PRKCD: variants seen among roughly 807,000 people sequenced by gnomAD.
PRKCD encodes the protein protein kinase C delta type.
PRKCD carries 20 observed loss-of-function variants against 82.2 expected under a neutral mutation model. The ratio of observed to expected loss-of-function variants is 0.24; its 90% confidence interval spans 0.17 to 0.35. The LOEUF is 0.35. Among genes scored for constraint, PRKCD ranks in the 10% least tolerant of loss-of-function variants. The pLI, the probability that PRKCD is intolerant of heterozygous loss-of-function variation, is 1.00. For missense variants in PRKCD, 607 were observed against 899.0 expected (o/e 0.68, Z 4.15); for synonymous variants, 317 against 337.0 (o/e 0.94, Z 0.65).
intron 2 of PRKCD, among the ~76,000 whole-genome samples, chr3:53,176,173 G>A (rs535479170): frequency 6.6e-6 from 1 of 152,306 alleles, no homozygotes; most frequent in South Asian, 2.1e-4. Context: ...CCACCTGCTG[G>A]TGTCAGGCTG....
intron 2 of PRKCD, among the ~76,000 whole-genome samples, chr3:53,167,136 G>A (rs1702861420): frequency 6.6e-6 from 1 of 152,188 alleles, no homozygotes. Context: ...AGGCGTTTCC[G>A]GAGGCTTACT....
intron 14 of PRKCD, among the ~76,000 whole-genome samples, chr3:53,187,086 C>T (rs1316221176): frequency 6.6e-6 from 1 of 151,716 alleles, no homozygotes; most frequent in Non-Finnish European, 1.5e-5. Flanking sequence ...TGCATGCATG[C>T]AAACACATAT....
chr3:53,179,203 C>T (rs1396738586), intron 3 of PRKCD, among the ~76,000 whole-genome samples: 5 of 152,224 alleles, frequency 3.3e-5, no homozygotes, highest in African/African-American at 9.7e-5. Flanking sequence ...ATTCGCCACC[C>T]GGGCCTGGGG....
At chr3:53,162,220 C>T (rs1335008136) in intron 1 of PRKCD, among the ~76,000 whole-genome samples, 1 of 151,686 alleles carries the variant, frequency 6.6e-6, no homozygotes, top group Non-Finnish European at 1.5e-5. Context: ...TCGCCCCCAA[C>T]CCAGATGCCA....
At chr3:53,165,578 G>A (rs1312347247) in intron 2 of PRKCD, among the ~76,000 whole-genome samples, 1 of 152,208 alleles carries the variant, frequency 6.6e-6, no homozygotes, top group African/African-American at 2.4e-5. Flanking sequence ...CCATGGCCCT[G>A]TATCTGCCTC....
Position 53,181,923 on chromosome 3 carries a change from C to T in PRKCD, c.571+191C>T, listed in dbSNP as rs543546229. 2.3e-4 allele frequency: 188 copies of T among 820,974 alleles called. 3 individuals are homozygous for T. The highest frequency in any genetic ancestry group is 1.1e-3 in the South Asian group (74 of 69,052). 50.9% of individuals were successfully genotyped at this position (820,974 alleles called of 1,614,324 possible). On this transcript the variant is annotated intron_variant, in intron 7 of 18. Transcript: ENST00000330452. ...CTGCTGCTCTGGAAAACCAGTTCTG[C>T]GCATCTCTTCCCAGCTCCGCATTCA...
At chr3:53,189,002 C>G in intron 16 of PRKCD, 56 bp from the exon 17 acceptor site, 2 of 1,574,082 alleles carry the variant, frequency 1.3e-6, no homozygotes, top group Non-Finnish European at 1.7e-6. Flanking sequence ...GCCCAGGGGC[C>G]CCTCTCAGCC....
intron 1 of PRKCD, among the ~76,000 whole-genome samples, chr3:53,163,494 A>G (rs1553663394): frequency 6.6e-6 from 1 of 152,026 alleles, no homozygotes; most frequent in Non-Finnish European, 1.5e-5. Flanking sequence ...TCTGTACCCA[A>G]GAATTATTTG....
At chr3:53,187,055 G>A (rs1553669355) in intron 14 of PRKCD, among the ~76,000 whole-genome samples, 2 of 151,090 alleles carry the variant, frequency 1.3e-5, no homozygotes, top group East Asian at 1.9e-4. Context: ...CAAACTAACC[G>A]TGTATGTGTG....
Position 53,178,431 on chromosome 3 carries a change from G to A in PRKCD, c.9G>A (p.Pro3=), listed in dbSNP as rs1354110835. MA[P]FLRIAFNSYE... ...CCACTGCAGGCCCCACCATGGCGCCGTTCCTGCGCATCGCCTTCAACTCCT... is the reference window on the plus strand; with the variant it reads ...CCACTGCAGGCCCCACCATGGCGCCATTCCTGCGCATCGCCTTCAACTCCT... Residue 3 remains proline (P), a synonymous_variant, in exon 3 of 19, where the codon CCG becomes CCA. Transcript: ENST00000330452. 5.0e-6 allele frequency: 8 copies of A among 1,611,416 alleles called. No homozygotes were observed. Among genetic ancestry groups the A allele is most frequent in the African/African-American group, 1.3e-5 (1 of 74,880 alleles).
Position 53,192,323 on chromosome 3 carries a change from C to T in PRKCD, c.*57C>T, listed in dbSNP as rs1458708747. ...TCCACCCACACCTGCCCGCTCCCCA[C>T]GATAAGCACCAGTGGGACTGTGGTG... On this transcript the variant is annotated 3_prime_UTR_variant, in exon 19 of 19. Transcript: ENST00000330452. 2.3e-5 allele frequency: 36 copies of T among 1,585,656 alleles called. No individual in the cohort carries two copies. The highest frequency in any genetic ancestry group is 3.1e-5 in the Non-Finnish European group (36 of 1,156,750).
In PRKCD at chr3:53,183,570, T is replaced by C. The variant is rs1056031955; in HGVS notation, c.776T>C (p.Leu259Ser). Residue 259 changes from leucine to serine, a missense_variant, in exon 9 of 19, where the codon TTA (leucine) becomes TCA (serine). Physicochemically the swap from Leu to Ser is moderately radical, Grantham distance 145. Around this residue, in one of 5 missense-constraint regions of PRKCD, gnomAD observed 109 missense variants for 155.6 expected, o/e 0.70. Coordinates refer to ENST00000330452, the MANE Select transcript of PRKCD (RefSeq NM_006254.4). Reference sequence around the variant, plus strand: ...CTCTGGGGACTGGTGAAGCAGGGATTAAAGTGTGAAGGTGCGTGCCACCCC... The same window carrying C: ...CTCTGGGGACTGGTGAAGCAGGGATCAAAGTGTGAAGGTGCGTGCCACCCC... Reference protein sequence around the residue: ...SLLWGLVKQGLKCEDCGMNVH... With the variant: ...SLLWGLVKQGSKCEDCGMNVH... 1 of 1,614,118 alleles carries C rather than the reference T, an allele frequency of 6.2e-7. No individual in the cohort carries two copies. Among genetic ancestry groups the C allele is most frequent in the African/African-American group, 1.3e-5 (1 of 75,058 alleles).
intron 2 of PRKCD, among the ~76,000 whole-genome samples, chr3:53,168,393 G>A (rs1702902872): frequency 6.6e-6 from 1 of 152,176 alleles, no homozygotes; most frequent in African/African-American, 2.4e-5. Flanking sequence ...GAGTGTTGAG[G>A]AGTGGTAAGG....
intron 2 of PRKCD, among the ~76,000 whole-genome samples, chr3:53,171,755 G>A (rs1703038384): frequency 6.6e-6 from 1 of 152,168 alleles, no homozygotes; most frequent in Non-Finnish European, 1.5e-5. Flanking sequence ...GCAAAAATAT[G>A]GGGGCTGGGA....
At position 53,184,882 on chromosome 3, in the gene PRKCD, A is replaced by G. The variant is rs1311147786; in HGVS notation, c.796A>G (p.Met266Val). The change falls in exon 10 of 19, where the codon ATG (methionine) becomes GTG (valine). Residue 266 changes from methionine (M) to valine (V), a missense_variant. This residue lies in a region of PRKCD where 109 missense variants were observed against 155.6 expected (regional missense o/e 0.70). Transcript: ENST00000330452. ...KQGLKCEDCG[M>V]NVHHKCREKV... ...CTTCTCCCTCACCCCAGACTGCGGC[A>G]TGAATGTGCACCATAAATGCCGGGA... 1.2e-6 allele frequency: 2 copies of G among 1,613,720 alleles called. No homozygotes were observed. Among genetic ancestry groups the G allele is most frequent in the Non-Finnish European group, 1.7e-6 (2 of 1,179,854 alleles).
At chr3:53,163,905 G>A (rs533495421) in intron 1 of PRKCD, among the ~76,000 whole-genome samples, 11 of 152,316 alleles carry the variant, frequency 7.2e-5, no homozygotes, top group African/African-American at 1.7e-4. Flanking sequence ...AGTAGCGATG[G>A]GGGAGACAGG....
intron 9 of PRKCD, among the ~76,000 whole-genome samples, chr3:53,184,277 G>C (rs1413743576): frequency 2.6e-5 from 4 of 151,978 alleles, no homozygotes; most frequent in Non-Finnish European, 5.9e-5. Flanking sequence ...AGAGCTTGCA[G>C]TGAGCCGAAA....
Position 53,183,485 on chromosome 3 carries a change from C to A in PRKCD, c.691C>A (p.His231Asn). ...QKERFNIDMP[H>N]RFKVHNYMSP... ...AGAACGCTTCAACATCGACATGCCG[C>A]ACCGCTTCAAGGTTCACAACTACAT... The change falls in exon 9 of 19, where the codon CAC (histidine) becomes AAC (asparagine). Residue 231 changes from histidine (H) to asparagine (N), a missense_variant. By Grantham distance (68) the His-to-Asn change is moderately conservative. Transcript: ENST00000330452. 1 of 1,614,232 alleles carries A rather than the reference C, an allele frequency of 6.2e-7. No individual in the cohort carries two copies. The highest frequency in any genetic ancestry group is 2.2e-5 in the East Asian group (1 of 44,884).
chr3:53,189,459 C>T (rs1380767668), intron 17 of PRKCD, among the ~76,000 whole-genome samples: 4 of 152,200 alleles, frequency 2.6e-5, no homozygotes, highest in African/African-American at 9.7e-5. Flanking sequence ...TGACTAAGGG[C>T]CCAGGGTCAG....
Sources: allele counts gnomAD v4.1 joint callset (sites outside exome capture counted in the v4.1 genomes callset), GRCh38; gene constraint gnomAD v4.1.1; regional missense constraint gnomAD v4.1.1; transcripts MANE v1.5; gene names NCBI Gene and HGNC (gene_info 2026-07-23, HGNC 2026-07-21).